EYS: variants seen among roughly 807,000 people sequenced by gnomAD.
EYS encodes protein eyes shut homolog.
EYS carries 250 observed loss-of-function variants against 282.1 expected under a neutral mutation model. The observed-to-expected ratio is 0.89, with a 90% CI of 0.80 to 0.98. The LOEUF is 0.98. Ranked by LOEUF, EYS falls within the 50% of genes least tolerant of loss-of-function variation. EYS has a pLI of 0.00. For missense variants in EYS, 4,016 were observed against 3,709.0 expected (o/e 1.08, Z -2.15); for synonymous variants, 1,355 against 1,282.9 (o/e 1.06, Z -1.20).
rs187301068 is a variant in EYS at position 65,379,722 on chromosome 6, C to T, written c.1299+4664G>A. Among the ~76,000 whole-genome samples, 89 of 152,004 alleles carry T rather than the reference C, an allele frequency of 5.9e-4. 1 individual carries two copies. In the East Asian group the frequency reaches 0.016, roughly 28 times the overall value. On this transcript the variant is annotated intron_variant, in intron 8 of 42. Transcript: ENST00000503581. ...TGATTGTATATTTAGAAAACCCCAT[C>T]GTCTCAGTCCAACAACTCCTTAAGC... is the stretch of plus-strand genomic sequence containing the variant.
At chr6:64,137,250 G>GT (rs759489011) in intron 31 of EYS, among the ~76,000 whole-genome samples, 42 of 151,272 alleles carry the variant, frequency 2.8e-4, no homozygotes, top group South Asian at 6.2e-4. Flanking sequence ...TTAGTCTTTG[G>GT]TTTAAGAGAA....
At chr6:63,730,171 T>C (rs1323051268) in intron 41 of EYS, among the ~76,000 whole-genome samples, 1 of 152,202 alleles carries the variant, frequency 6.6e-6, no homozygotes, top group African/African-American at 2.4e-5. Flanking sequence ...CATTAATAGA[T>C]TATAGCTGCA....
At chr6:64,036,836 G>C (rs1770146893) in intron 33 of EYS, among the ~76,000 whole-genome samples, 1 of 152,136 alleles carries the variant, frequency 6.6e-6, no homozygotes, top group Admixed American at 6.5e-5. Context: ...AGGACACTTG[G>C]CTTAAGTAAC....
chr6:64,749,239 A>C (rs1772663351), intron 22 of EYS, among the ~76,000 whole-genome samples: 1 of 152,224 alleles, frequency 6.6e-6, no homozygotes, highest in Non-Finnish European at 1.5e-5. Context: ...CATTAATAAA[A>C]ATTGTAACAG....
intron 8 of EYS, among the ~76,000 whole-genome samples, chr6:65,354,634 G>A (rs1764409458): frequency 6.6e-6 from 1 of 152,006 alleles, no homozygotes; most frequent in African/African-American, 2.4e-5. Context: ...TGGCTAACAG[G>A]GTGAAACCCT....
At chr6:64,540,996 G>T (rs1012294427) in intron 26 of EYS, among the ~76,000 whole-genome samples, 1 of 152,166 alleles carries the variant, frequency 6.6e-6, no homozygotes, top group African/African-American at 2.4e-5. Flanking sequence ...CTCCACGGCG[G>T]CTGAGTTAAT....
chr6:64,426,887 A>T (rs1394795303), intron 28 of EYS, among the ~76,000 whole-genome samples: 1 of 152,178 alleles, frequency 6.6e-6, no homozygotes, highest in African/African-American at 2.4e-5. Flanking sequence ...TAATTACAGA[A>T]TCACTATTTC....
intron 2 of EYS, among the ~76,000 whole-genome samples, chr6:65,534,665 T>C (rs561926137): frequency 6.6e-6 from 1 of 152,200 alleles, no homozygotes; most frequent in South Asian, 2.1e-4. Flanking sequence ...TCACATTGGA[T>C]GTCCTGGTTC....
chr6:65,266,619 T>C (rs1444778453), intron 12 of EYS, among the ~76,000 whole-genome samples: 1 of 151,886 alleles, frequency 6.6e-6, no homozygotes, highest in Non-Finnish European at 1.5e-5. Flanking sequence ...CAGTATTTTA[T>C]TGAGGATTTT....
intron 9 of EYS, among the ~76,000 whole-genome samples, chr6:65,348,386 G>T (rs1019833947): frequency 6.6e-6 from 1 of 151,428 alleles, no homozygotes; most frequent in Non-Finnish European, 1.5e-5. Flanking sequence ...ATACATTCCT[G>T]CTAGCATTTG....
At chr6:64,344,835 A>G (rs2150399182) in intron 29 of EYS, among the ~76,000 whole-genome samples, 1 of 152,302 alleles carries the variant, frequency 6.6e-6, no homozygotes, top group Admixed American at 6.5e-5. Flanking sequence ...TAAGCTGATA[A>G]GCAACTTCAG....
chr6:63,881,410 C>G (rs1773129041), intron 35 of EYS, among the ~76,000 whole-genome samples: 1 of 152,090 alleles, frequency 6.6e-6, no homozygotes, highest in Non-Finnish European at 1.5e-5. Context: ...CTCTGAATGC[C>G]AGAGGGAACT....
chr6:64,306,597 G>A (rs977942700), intron 30 of EYS, among the ~76,000 whole-genome samples: 3 of 152,108 alleles, frequency 2.0e-5, no homozygotes, highest in Admixed American at 2.0e-4. Context: ...ACAACTTTTT[G>A]AGAGTGATAA....
At chr6:64,137,638 G>C (rs1045254341) in intron 31 of EYS, among the ~76,000 whole-genome samples, 1 of 152,124 alleles carries the variant, frequency 6.6e-6, no homozygotes, top group African/African-American at 2.4e-5. Flanking sequence ...CAGAGAGAGA[G>C]AAAGGAGAAT....
At chr6:65,478,361 G>T (rs1363556282) in intron 5 of EYS, among the ~76,000 whole-genome samples, 1 of 152,086 alleles carries the variant, frequency 6.6e-6, no homozygotes, top group South Asian at 2.1e-4. Context: ...AAGGATACTG[G>T]ATTTGGCTAT....
At chr6:64,125,695 A>T (rs1035378478) in intron 31 of EYS, among the ~76,000 whole-genome samples, 1 of 149,720 alleles carries the variant, frequency 6.7e-6, no homozygotes, top group African/African-American at 2.5e-5. Flanking sequence ...GTGAGGCAGG[A>T]GAATGGCGTG....
At chr6:64,553,796 A>C (rs1265855296) in intron 26 of EYS, among the ~76,000 whole-genome samples, 1 of 152,092 alleles carries the variant, frequency 6.6e-6, no homozygotes, top group Admixed American at 6.5e-5. Context: ...AGATACACCA[A>C]AGAAAATGTA....
intron 13 of EYS, among the ~76,000 whole-genome samples, chr6:65,031,944 C>T (rs991455500): frequency 1.6e-4 from 24 of 151,936 alleles, no homozygotes; most frequent in African/African-American, 5.3e-4. Context: ...AAATTGGTTT[C>T]TTGAAAAAAT....
chr6:64,745,209 A>C (rs1189095102), intron 22 of EYS, among the ~76,000 whole-genome samples: 1 of 152,192 alleles, frequency 6.6e-6, no homozygotes, highest in Non-Finnish European at 1.5e-5. Flanking sequence ...TAAGCATCAC[A>C]ATGACTGTTC....
Sources: allele counts gnomAD v4.1 joint callset (sites outside exome capture counted in the v4.1 genomes callset), GRCh38; gene constraint gnomAD v4.1.1; transcripts MANE v1.5; gene names NCBI Gene and HGNC (gene_info 2026-07-23, HGNC 2026-07-21).